Variants in MBD5 observed in about 807,000 individuals in gnomAD.
MBD5 encodes the protein methyl-CpG-binding domain protein 5.
MBD5 carries 13 observed loss-of-function variants against 117.3 expected under a neutral mutation model. The observed-to-expected ratio is 0.11, with a 90% CI of 0.07 to 0.18. The LOEUF (loss-of-function observed/expected upper bound fraction) is 0.18, where lower values mean the gene tolerates loss of function less well. MBD5 is among the 10% of genes least tolerant of loss of function. The pLI is 1.00. For missense variants in MBD5, 1,879 were observed against 2,093.8 expected (o/e 0.90, Z 2.00); for synonymous variants, 727 against 766.4 (o/e 0.95, Z 0.85).
intron 4 of MBD5, among the ~76,000 whole-genome samples, chr2:148,352,739 A>G (rs1703276221): frequency 6.6e-6 from 1 of 152,120 alleles, no homozygotes; most frequent in African/African-American, 2.4e-5. Context: ...CAGGCTAAGT[A>G]TACCTCTTAT....
At chr2:148,076,180 T>TTTG (rs138392518) in intron 1 of MBD5, among the ~76,000 whole-genome samples, 5,630 of 151,398 alleles carry the variant, frequency 0.037, 277 homozygotes, top group African/African-American at 0.11. Flanking sequence ...GTCGTCGTTT[T>TTTG]TTGTTGTTGT....
At chr2:148,355,396 G>C (rs563355494) in intron 4 of MBD5, among the ~76,000 whole-genome samples, 83 of 151,746 alleles carry the variant, frequency 5.5e-4, no homozygotes, top group African/African-American at 2.0e-3. Context: ...TTTTCTTCTA[G>C]GGTTTTTATA....
At chr2:148,195,884 C>T (rs1486473907) in intron 2 of MBD5, among the ~76,000 whole-genome samples, 1 of 152,154 alleles carries the variant, frequency 6.6e-6, no homozygotes, top group Admixed American at 6.5e-5. Flanking sequence ...ATGCAACTAA[C>T]ACATGGCTTA....
rs142713777 is a variant in MBD5, at chr2:148,329,851, G to C, written c.-679-12363G>C. Reference sequence around the variant, plus strand: ...TTGTAACTGTTACAAGGCATAACTTGCTTTGTGTAGACATTAGGCTTGTTT... The same window carrying C: ...TTGTAACTGTTACAAGGCATAACTTCCTTTGTGTAGACATTAGGCTTGTTT... On this transcript the variant is annotated intron_variant, in intron 3 of 13. Coordinates refer to ENST00000642680, the MANE Select transcript of MBD5 (RefSeq NM_001378120.1). Among the ~76,000 whole-genome samples the C allele has an allele frequency of 2.5e-3, 386 of 152,196 alleles. 1 individual carries two copies. Among genetic ancestry groups the C allele is most frequent in the African/African-American group, 8.9e-3 (371 of 41,534 alleles).
At position 148,483,544 on chromosome 2, in the gene MBD5, C is replaced by A; in HGVS notation, c.2953C>A (p.His985Asn). The A allele has an allele frequency of 1.3e-6, 2 of 1,591,364 alleles. No individual in the cohort carries two copies. The highest frequency in any genetic ancestry group is 1.7e-6 in the Non-Finnish European group (2 of 1,168,514). Reference sequence around the variant, plus strand: ...GGATGGGCAGGTATTGCAGCCTGTTCACTTTCAGCTCTTAGCAGCCTTGCT... The same window carrying A: ...GGATGGGCAGGTATTGCAGCCTGTTAACTTTCAGCTCTTAGCAGCCTTGCT... ...DMDGQVLQPV[H>N]FQLLAALLQN... Residue 985 changes from histidine (H) to asparagine (N), a missense_variant, in exon 9 of 14, where the codon CAC becomes AAC. Around this residue, in one of 4 missense-constraint regions of MBD5, gnomAD observed 1,666 missense variants for 1,792.2 expected, o/e 0.93. Transcript: ENST00000642680.
chr2:148,241,421 G>A (rs192439121), intron 3 of MBD5, among the ~76,000 whole-genome samples: 212 of 152,186 alleles, frequency 1.4e-3, no homozygotes, highest in African/African-American at 4.5e-3. Context: ...GTTCAAACTC[G>A]AAACTCTTTG....
intron 1 of MBD5, among the ~76,000 whole-genome samples, chr2:148,165,230 A>C (rs922312768): frequency 3.9e-5 from 6 of 152,104 alleles, no homozygotes; most frequent in Non-Finnish European, 7.4e-5. Context: ...GTGGTAGAAA[A>C]ATTATTTGAA....
chr2:148,419,278 TG>T (rs1370336463), intron 4 of MBD5, among the ~76,000 whole-genome samples: 5 of 152,118 alleles, frequency 3.3e-5, no homozygotes, highest in African/African-American at 4.8e-5. Flanking sequence ...CATACAAATT[TG>T]GGAACAAACC....
At chr2:148,160,689 C>T (rs1468413260) in intron 1 of MBD5, among the ~76,000 whole-genome samples, 1 of 152,120 alleles carries the variant, frequency 6.6e-6, no homozygotes, top group Non-Finnish European at 1.5e-5. Context: ...TGTTTTTTCA[C>T]TGAAAATTAT....
At chr2:148,131,752 A>G (rs1174785302) in intron 1 of MBD5, among the ~76,000 whole-genome samples, 2 of 152,218 alleles carry the variant, frequency 1.3e-5, no homozygotes, top group Admixed American at 6.5e-5. Context: ...TTTTGTATGC[A>G]TTTAGAAAAA....
chr2:148,145,110 C>T (rs1051423609), intron 1 of MBD5, among the ~76,000 whole-genome samples: 1 of 150,800 alleles, frequency 6.6e-6, no homozygotes, highest in Non-Finnish European at 1.5e-5. Context: ...TGTTTGTGTC[C>T]TCTTTTATTT....
intron 1 of MBD5, among the ~76,000 whole-genome samples, chr2:148,145,220 G>A (rs913215204): frequency 1.3e-5 from 2 of 152,194 alleles, no homozygotes; most frequent in East Asian, 3.9e-4. Flanking sequence ...ATTGTGAATG[G>A]GAGTTCCCTC....
intron 4 of MBD5, among the ~76,000 whole-genome samples, chr2:148,424,825 C>T (rs552627966): frequency 5.6e-4 from 85 of 152,124 alleles, no homozygotes; most frequent in Non-Finnish European, 9.1e-4. Flanking sequence ...AAAGATGTTC[C>T]TTGAAACCAA....
intron 2 of MBD5, among the ~76,000 whole-genome samples, chr2:148,222,005 T>C (rs1699697265): frequency 3.9e-5 from 6 of 152,208 alleles, no homozygotes; most frequent in Admixed American, 2.6e-4. Context: ...GCACCATTTA[T>C]TGAAGAGACT....
At chr2:148,421,688 A>G (rs1379836465) in intron 4 of MBD5, among the ~76,000 whole-genome samples, 1 of 152,148 alleles carries the variant, frequency 6.6e-6, no homozygotes, top group African/African-American at 2.4e-5. Context: ...CTGGCTTGAA[A>G]TTCTTGCTAC....
intron 4 of MBD5, among the ~76,000 whole-genome samples, chr2:148,374,002 A>G (rs1470843863): frequency 1.3e-5 from 2 of 152,166 alleles, no homozygotes; most frequent in African/African-American, 2.4e-5. Context: ...TCATGGGAGC[A>G]TTTTGGATTT....
chr2:148,029,622 A>G (rs1024339610), intron 1 of MBD5, among the ~76,000 whole-genome samples: 3 of 152,092 alleles, frequency 2.0e-5, no homozygotes, highest in Non-Finnish European at 2.9e-5. Flanking sequence ...ATTCTTTGAA[A>G]CCATTTCTTC....
chr2:148,171,460 G>A (rs1010533538), intron 1 of MBD5, among the ~76,000 whole-genome samples: 2 of 152,088 alleles, frequency 1.3e-5, no homozygotes, highest in Non-Finnish European at 2.9e-5. Context: ...ACCAAATTAG[G>A]TATAGAAGGA....
rs1406338266 is a variant in MBD5 at position 148,516,805 on chromosome 2, G to A, written c.*3864G>A. ...ATACACACTGTGTGTGTACCTCAGT[G>A]ACCTTTTATAAACCGGAAAAATGGT... On this transcript the variant is annotated 3_prime_UTR_variant, in exon 14 of 14. Transcript: ENST00000642680. The A allele has an allele frequency of 1.3e-5, 2 of 152,152 alleles. No homozygotes were observed. The highest frequency in any genetic ancestry group is 2.9e-5 in the Non-Finnish European group (2 of 68,020). The allele number at this position is 152,152 out of a possible 1,614,324, so 9.4% of individuals were successfully genotyped here.
Sources: allele counts gnomAD v4.1 joint callset (sites outside exome capture counted in the v4.1 genomes callset), GRCh38; gene constraint gnomAD v4.1.1; regional missense constraint gnomAD v4.1.1; transcripts MANE v1.5; gene names NCBI Gene and HGNC (gene_info 2026-07-23, HGNC 2026-07-21).